Variants in TAB3 observed in about 807,000 individuals in gnomAD.
TAB3 encodes the protein TGF-beta-activated kinase 1 and MAP3K7-binding protein 3.
A neutral mutation model predicts 48.1 loss-of-function variants in TAB3; 18 were observed. The ratio of observed to expected loss-of-function variants is 0.37; its 90% CI spans 0.26 to 0.55. TAB3 has a LOEUF of 0.55. Among genes scored for constraint, TAB3 ranks in the 20% least tolerant of loss-of-function variants. The pLI, the probability that TAB3 is intolerant of heterozygous loss-of-function variation, is 0.78. For missense variants in TAB3, 414 were observed against 549.8 expected, an observed-to-expected ratio of 0.75 and a Z score of 2.47; for synonymous variants, 185 against 190.2, an observed-to-expected ratio of 0.97 and a Z score of 0.22.
At chrX:30,876,348 C>T (rs1005720648) in intron 1 of TAB3, among the ~76,000 whole-genome samples, 5 of 111,825 alleles carry the variant, frequency 4.5e-5, no homozygotes, top group African/African-American at 9.8e-5. Flanking sequence ...ATCAGGCACA[C>T]GAGGAAACAT....
At chrX:30,853,048 C>A in intron 6 of TAB3, 110 bp from the exon 7 acceptor site, 1 of 766,616 alleles carries the variant, frequency 1.3e-6, no homozygotes, top group Non-Finnish European at 1.9e-6. Context: ...TGGGGGTTGG[C>A]ATTTACTCTC....
chrX:30,851,873 A>T (rs1938863292), intron 7 of TAB3, among the ~76,000 whole-genome samples: 2 of 112,400 alleles, frequency 1.8e-5, no homozygotes, highest in Non-Finnish European at 3.7e-5. Flanking sequence ...TTCCAGCAGG[A>T]GGATTAATGT....
At chrX:30,882,179 T>C (rs1017874424) in intron 1 of TAB3, among the ~76,000 whole-genome samples, 1 of 111,660 alleles carries the variant, frequency 9.0e-6, no homozygotes, top group Non-Finnish European at 1.9e-5. Context: ...AAAGACTGGA[T>C]TGTTGCCACA....
At chrX:30,875,997 C>A (rs1041935348) in intron 1 of TAB3, among the ~76,000 whole-genome samples, 5 of 112,000 alleles carry the variant, frequency 4.5e-5, no homozygotes, top group Admixed American at 1.9e-4. Context: ...ATAAGAAATG[C>A]CTTTCTTAAA....
intron 6 of TAB3, among the ~76,000 whole-genome samples, chrX:30,853,602 T>C (rs1377608530): frequency 8.9e-6 from 1 of 112,858 alleles, no homozygotes; most frequent in East Asian, 2.8e-4. Context: ...CTTTCTAAAC[T>C]AAGCCTTATT....
chrX:30,870,660 A>C (rs1408787799), intron 2 of TAB3, among the ~76,000 whole-genome samples: 1 of 112,737 alleles, frequency 8.9e-6, no homozygotes, highest in Non-Finnish European at 1.9e-5. Flanking sequence ...AAGAAACTCC[A>C]CATCATCTAA....
chrX:30,880,378 A>C (rs1353423143), intron 1 of TAB3, among the ~76,000 whole-genome samples: 3 of 112,058 alleles, frequency 2.7e-5, no homozygotes, highest in African/African-American at 9.7e-5. Flanking sequence ...AGAACCACAG[A>C]TATATGGACA....
chrX:30,869,219 C>T (rs1792206862), intron 2 of TAB3, among the ~76,000 whole-genome samples: 1 of 110,745 alleles, frequency 9.0e-6, no homozygotes, highest in Non-Finnish European at 1.9e-5. Context: ...CTCCATCATG[C>T]CTGGCTAATT....
chrX:30,882,662 A>G (rs1273541463), intron 1 of TAB3, among the ~76,000 whole-genome samples: 2 of 112,050 alleles, frequency 1.8e-5, no homozygotes, highest in African/African-American at 6.5e-5. Flanking sequence ...ACAGAAATCT[A>G]TTCACTAAAG....
intron 1 of TAB3, among the ~76,000 whole-genome samples, chrX:30,888,581 G>A (rs1263169992): frequency 8.9e-6 from 1 of 112,201 alleles, no homozygotes. Flanking sequence ...CTGCTTGTGC[G>A]ATCTTTAAAG....
intron 8 of TAB3, chrX:30,845,449 A>G (rs1938594271): frequency 8.9e-6 from 1 of 111,985 alleles, no homozygotes; most frequent in African/African-American, 3.2e-5. Flanking sequence ...TTTTCTGTCA[A>G]GGGCCAGATA....
At chrX:30,836,778 G>A (rs1211945108) in intron 9 of TAB3, 2 of 111,837 alleles carry the variant, frequency 1.8e-5, no homozygotes, top group African/African-American at 3.3e-5. Context: ...GGGAGGTCGA[G>A]GCTGCAATGA....
chrX:30,869,560 A>G (rs1169467833), intron 2 of TAB3, among the ~76,000 whole-genome samples: 5 of 112,482 alleles, frequency 4.4e-5, no homozygotes, highest in Non-Finnish European at 9.4e-5. Flanking sequence ...TCTTTTGGCT[A>G]CAGTGCCTTG....
chrX:30,846,135 T>C, intron 8 of TAB3: 2 of 828,683 alleles, frequency 2.4e-6, no homozygotes, highest in Non-Finnish European at 3.1e-6. Context: ...TAACATAACA[T>C]GAAAAATAAC....
chrX:30,884,597 A>G (rs1940080596), intron 1 of TAB3, among the ~76,000 whole-genome samples: 1 of 108,923 alleles, frequency 9.2e-6, no homozygotes, highest in African/African-American at 3.4e-5. Flanking sequence ...TGGTTTGGAA[A>G]CCAAAAAAAA....
chrX:30,868,142 C>T (rs1187090497), intron 2 of TAB3, among the ~76,000 whole-genome samples: 4 of 103,374 alleles, frequency 3.9e-5, no homozygotes, highest in African/African-American at 1.4e-4. Flanking sequence ...AGTGATCCAC[C>T]CACCTGGGCC....
Position 30,868,350 on chromosome X carries a change from AGCT to A in TAB3, c.-279-804_-279-802del, listed in dbSNP as rs1431496486. Among the ~76,000 whole-genome samples the A allele has an allele frequency of 1.1e-3, 20 of 18,447 alleles. 5 individuals carry two copies. Among genetic ancestry groups the A allele is most frequent in the African/African-American group, 4.7e-3 (16 of 3,428 alleles). The allele number at this position is 18,447 out of a possible 115,157, so 16.0% of individuals were successfully genotyped here. ...TATATATATAAGCTTTTATATATAT[AGCT>A]TATATATATATATATAGCTTATATA... is the stretch of plus-strand genomic sequence containing the variant. On this transcript the variant is annotated intron_variant, in intron 2 of 10. Transcript: ENST00000288422.
intron 7 of TAB3, among the ~76,000 whole-genome samples, chrX:30,849,365 T>C (rs755270353): frequency 2.7e-5 from 3 of 112,600 alleles, no homozygotes; most frequent in Non-Finnish European, 3.8e-5. Context: ...CTCCCCCACA[T>C]AGCTGGTCAC....
intron 1 of TAB3, among the ~76,000 whole-genome samples, chrX:30,873,682 C>A (rs1209909189): frequency 8.9e-6 from 1 of 111,947 alleles, no homozygotes; most frequent in Non-Finnish European, 1.9e-5. Context: ...CGATGAAGAC[C>A]TTTATGATGA....
Sources: gnomAD v4.1 joint callset for allele counts (sites outside exome capture counted in the v4.1 genomes callset) on GRCh38, gnomAD v4.1.1 for gene constraint, MANE v1.5 for transcripts, NCBI Gene and HGNC (gene_info 2026-07-23, HGNC 2026-07-21) for gene names.